The following EPHA5 variants were observed in gnomAD, a reference collection of about 807,000 sequenced individuals.
The protein encoded by EPHA5 is ephrin type-A receptor 5.
In EPHA5, 60 loss-of-function variants were observed where a neutral mutation model predicts 105.0. The ratio of observed to expected loss-of-function variants is 0.57; its 90% CI spans 0.46 to 0.71. The LOEUF is 0.71. EPHA5 is among the 30% of genes least tolerant of loss of function. EPHA5 has a pLI of 0.00. For synonymous variants in EPHA5, 513 were observed against 449.1 expected (o/e 1.14, Z -1.80); for missense variants, 1,218 against 1,274.7 (o/e 0.96, Z 0.68).
chr4:65,564,365 G>T (rs547114532), intron 3 of EPHA5, among the ~76,000 whole-genome samples: 2 of 151,736 alleles, frequency 1.3e-5, no homozygotes, highest in Non-Finnish European at 2.9e-5. Flanking sequence ...GGTCCTAATT[G>T]CTAGAAATTT....
intron 2 of EPHA5, among the ~76,000 whole-genome samples, chr4:65,612,012 C>A (rs1467770032): frequency 2.2e-4 from 13 of 57,924 alleles, no homozygotes; most frequent in East Asian, 1.4e-3. Context: ...GCGAGACCCT[C>A]TCTCAAAAAA....
intron 2 of EPHA5, among the ~76,000 whole-genome samples, chr4:65,624,434 C>A (rs1194387625): frequency 6.6e-6 from 1 of 152,156 alleles, no homozygotes; most frequent in Non-Finnish European, 1.5e-5. Context: ...ATGCTGCCTA[C>A]AGACAGGGGC....
chr4:65,570,397 T>C (rs921795537), intron 3 of EPHA5, among the ~76,000 whole-genome samples: 7 of 151,556 alleles, frequency 4.6e-5, no homozygotes, highest in African/African-American at 1.4e-4. Context: ...TAGTTTTTGC[T>C]ATGGTTGGTT....
At chr4:65,476,119 A>AGTGTGTGT (rs772117051) in intron 5 of EPHA5, among the ~76,000 whole-genome samples, 68 of 126,850 alleles carry the variant, frequency 5.4e-4, no homozygotes, top group African/African-American at 9.4e-4. Context: ...AGAGAGAGAG[A>AGTGTGTGT]GAGAGAGAGT....
rs573150593 is a variant in EPHA5 at position 65,322,724 on chromosome 4, A to G, written c.*1390T>C. 1.3e-4 allele frequency: 29 copies of G among 226,398 alleles called. No individual in the cohort carries two copies. The highest frequency in any genetic ancestry group is 4.9e-4 in the African/African-American group (22 of 45,054). 14.0% of individuals were successfully genotyped at this position (226,398 alleles called of 1,614,324 possible). On this transcript the variant is annotated 3_prime_UTR_variant, in exon 17 of 17. Coordinates refer to ENST00000613740, the MANE Select transcript of EPHA5 (RefSeq NM_001281766.3). ...AATAAAATAAACTCAAAGCCATGTA[A>G]CTGAATACAAACTGAAATTAACAAA...
At chr4:65,611,261 T>C (rs1744732218) in intron 2 of EPHA5, among the ~76,000 whole-genome samples, 1 of 152,112 alleles carries the variant, frequency 6.6e-6, no homozygotes, top group Admixed American at 6.5e-5. Context: ...TATTTCAATA[T>C]ATTTCGGTAT....
intron 16 of EPHA5, among the ~76,000 whole-genome samples, chr4:65,328,811 T>C (rs1720326689): frequency 6.6e-6 from 1 of 151,228 alleles, no homozygotes; most frequent in African/African-American, 2.4e-5. Flanking sequence ...CTGTAGGTAC[T>C]CCTATGTGTA....
intron 3 of EPHA5, among the ~76,000 whole-genome samples, chr4:65,524,037 G>A (rs1013757304): frequency 1.3e-5 from 2 of 151,776 alleles, no homozygotes; most frequent in Admixed American, 1.3e-4. Context: ...CCAAGCAGTT[G>A]AAAATATGTA....
At chr4:65,454,290 TA>T (rs1261353615) in intron 5 of EPHA5, among the ~76,000 whole-genome samples, 4 of 144,324 alleles carry the variant, frequency 2.8e-5, no homozygotes, top group Non-Finnish European at 6.2e-5. Context: ...CTAATAATAA[TA>T]AATAATAATA....
intron 3 of EPHA5, among the ~76,000 whole-genome samples, chr4:65,575,154 G>A (rs886844159): frequency 6.6e-6 from 1 of 152,032 alleles, no homozygotes; most frequent in African/African-American, 2.4e-5. Context: ...AAACTGGAAT[G>A]AGTGAGCAGA....
chr4:65,646,363 T>C (rs1402980127), intron 1 of EPHA5, among the ~76,000 whole-genome samples: 4 of 152,158 alleles, frequency 2.6e-5, no homozygotes, highest in Non-Finnish European at 5.9e-5. Context: ...ATCTGGTCAG[T>C]GGAAAGATCA....
chr4:65,616,550 T>C (rs947023874), intron 2 of EPHA5, among the ~76,000 whole-genome samples: 2 of 151,608 alleles, frequency 1.3e-5, no homozygotes, highest in Non-Finnish European at 1.5e-5. Flanking sequence ...TAATGATCAA[T>C]AAAAACAAAA....
intron 5 of EPHA5, among the ~76,000 whole-genome samples, chr4:65,475,064 G>A (rs1023572045): frequency 2.0e-5 from 3 of 152,048 alleles, no homozygotes; most frequent in African/African-American, 7.2e-5. Flanking sequence ...AAAAGATAGC[G>A]TAAACAAGTC....
chr4:65,431,993 T>A (rs1725025453), intron 5 of EPHA5, among the ~76,000 whole-genome samples: 1 of 152,022 alleles, frequency 6.6e-6, no homozygotes, highest in South Asian at 2.1e-4. Context: ...ACTAAAGACA[T>A]AATAGAATAT....
At chr4:65,598,480 T>A (rs889900924) in intron 3 of EPHA5, among the ~76,000 whole-genome samples, 4 of 152,316 alleles carry the variant, frequency 2.6e-5, no homozygotes, top group Non-Finnish European at 2.9e-5. Flanking sequence ...CTTTTTGACT[T>A]CTTTCTCATC....
At chr4:65,330,211 T>A (rs1720474677) in intron 16 of EPHA5, among the ~76,000 whole-genome samples, 3 of 151,218 alleles carry the variant, frequency 2.0e-5, no homozygotes, top group African/African-American at 7.3e-5. Context: ...AATGTTTGAA[T>A]AAAGGCAATC....
At chr4:65,597,804 T>A (rs76608666) in intron 3 of EPHA5, among the ~76,000 whole-genome samples, 1 of 152,164 alleles carries the variant, frequency 6.6e-6, no homozygotes, top group African/African-American at 2.4e-5. Context: ...TATATTAAGA[T>A]GACAGATCAC....
intron 8 of EPHA5, among the ~76,000 whole-genome samples, chr4:65,390,577 C>A (rs1167586851): frequency 6.6e-6 from 1 of 151,968 alleles, no homozygotes; most frequent in Non-Finnish European, 1.5e-5. Context: ...GTTAGATGAA[C>A]ACAGGGCAAG....
intron 3 of EPHA5, among the ~76,000 whole-genome samples, chr4:65,551,906 A>C (rs1225601483): frequency 6.6e-6 from 1 of 152,170 alleles, no homozygotes; most frequent in Non-Finnish European, 1.5e-5. Context: ...TTAGTAAAAT[A>C]TTTATCAAGT....
Sources: allele counts gnomAD v4.1 joint callset (sites outside exome capture counted in the v4.1 genomes callset), GRCh38; gene constraint gnomAD v4.1.1; transcripts MANE v1.5; gene names NCBI Gene and HGNC (gene_info 2026-07-23, HGNC 2026-07-21).